STXBP5: variants seen among roughly 807,000 people sequenced by gnomAD.
STXBP5 encodes the protein syntaxin binding protein 5.
Under a neutral mutation model 152.4 loss-of-function variants are expected in STXBP5, and 50 were observed. The observed-to-expected ratio is 0.33, with a 90% CI of 0.26 to 0.42. The LOEUF (loss-of-function observed/expected upper bound fraction) is 0.42, where lower values mean the gene tolerates loss of function less well. Ranked by LOEUF, STXBP5 falls within the 10% of genes least tolerant of loss-of-function variation. The pLI is 1.00. For missense variants in STXBP5, 1,167 were observed against 1,388.6 expected (o/e 0.84, Z 2.54); for synonymous variants, 492 against 494.7 (o/e 0.99, Z 0.07).
At chr6:147,227,243 A>G (rs1456773710) in intron 2 of STXBP5, among the ~76,000 whole-genome samples, 1 of 152,114 alleles carries the variant, frequency 6.6e-6, no homozygotes, top group African/African-American at 2.4e-5. Flanking sequence ...CTGTACTGCT[A>G]CTTTTCTCCA....
rs182285909 is a variant in STXBP5, at chr6:147,313,461, T to A, written c.1146-423T>A. Among the ~76,000 whole-genome samples the A allele has an allele frequency of 2.5e-3, 377 of 152,284 alleles. 4 individuals are homozygous for A. Among genetic ancestry groups the A allele is most frequent in the Non-Finnish European group, 2.3e-3 (156 of 68,000 alleles). ...GAATTAAATATTGGACTAGGTATCATGTTTATGGAGAGAAAAAGAATGGAA... is the reference window on the plus strand; with the variant it reads ...GAATTAAATATTGGACTAGGTATCAAGTTTATGGAGAGAAAAAGAATGGAA... On this transcript the variant is annotated intron_variant, in intron 11 of 27. Coordinates refer to ENST00000321680, the MANE Select transcript of STXBP5 (RefSeq NM_001127715.4).
At chr6:147,298,883 AT>A (rs1423833082) in intron 9 of STXBP5, among the ~76,000 whole-genome samples, 1 of 152,028 alleles carries the variant, frequency 6.6e-6, no homozygotes, top group African/African-American at 2.4e-5. Context: ...AAGCACAATA[AT>A]CTCAAATAGA....
chr6:147,308,711 G>T (rs1164175793), intron 9 of STXBP5, among the ~76,000 whole-genome samples: 2 of 152,128 alleles, frequency 1.3e-5, no homozygotes, highest in East Asian at 3.8e-4. Flanking sequence ...TACATCTATT[G>T]CATTGATATT....
At chr6:147,380,084 C>G (rs759954201) in intron 26 of STXBP5, among the ~76,000 whole-genome samples, 1 of 151,204 alleles carries the variant, frequency 6.6e-6, no homozygotes, top group Non-Finnish European at 1.5e-5. Context: ...TAACACAATT[C>G]ATATCAAAAT....
Position 147,326,327 on chromosome 6 carries a change from T to C in STXBP5, c.1929-798T>C, listed in dbSNP as rs189162678. 7.2e-5 allele frequency among the ~76,000 whole-genome samples: 11 copies of C among 152,346 alleles called. No homozygotes were observed. The East Asian group carries it at 2.1e-3, about 29-fold the overall frequency. On this transcript the variant is annotated intron_variant, in intron 17 of 27. Transcript: ENST00000321680. ...ACCTCACTAGGCTTACAGTTGTATT[T>C]TGTTTGGCCCTTTCTGTGTATTTTT...
chr6:147,377,732 C>T (rs1785878859), intron 26 of STXBP5, among the ~76,000 whole-genome samples: 2 of 152,028 alleles, frequency 1.3e-5, no homozygotes. Context: ...TCCCAAAGGC[C>T]CCCACTTCTG....
chr6:147,383,118 A>G, intron 27 of STXBP5, 120 bp downstream of exon 27: 2 of 1,208,120 alleles, frequency 1.7e-6, no homozygotes, highest in South Asian at 3.1e-5. Context: ...TCATTGTACA[A>G]TTGCAAGTTC....
intron 21 of STXBP5, among the ~76,000 whole-genome samples, chr6:147,345,699 TTC>T (rs1285025666): frequency 2.0e-5 from 3 of 152,194 alleles, no homozygotes; most frequent in African/African-American, 7.2e-5. Flanking sequence ...GAAGTTATAG[TTC>T]TGTTTTTCTT....
chr6:147,307,882 G>A (rs1782172947), intron 9 of STXBP5, among the ~76,000 whole-genome samples: 1 of 152,148 alleles, frequency 6.6e-6, no homozygotes, highest in Non-Finnish European at 1.5e-5. Context: ...AACCTACCTA[G>A]CTACCATGGT....
At chr6:147,255,055 G>A (rs756507554) in intron 4 of STXBP5, among the ~76,000 whole-genome samples, 12 of 152,284 alleles carry the variant, frequency 7.9e-5, no homozygotes, top group Middle Eastern at 3.4e-3. Context: ...TAGTAAAGAC[G>A]TGGAACCAAC....
At chr6:147,336,949 T>G (rs1025789709) in intron 19 of STXBP5, among the ~76,000 whole-genome samples, 16 of 152,110 alleles carry the variant, frequency 1.1e-4, no homozygotes, top group Non-Finnish European at 2.2e-4. Flanking sequence ...TCAGAAATCA[T>G]CATGAGAAAA....
intron 8 of STXBP5, among the ~76,000 whole-genome samples, chr6:147,287,271 C>T (rs369725082): frequency 0.024 from 2,964 of 125,276 alleles, 99 homozygotes; most frequent in African/African-American, 0.086. Context: ...GGCGGGATCT[C>T]GGCTCACTGC....
In STXBP5 at chr6:147,254,903, G is replaced by T. The variant is rs922012961; in HGVS notation, c.432-5712G>T. On this transcript the variant is annotated intron_variant, in intron 4 of 27. Coordinates refer to ENST00000321680, the MANE Select transcript of STXBP5 (RefSeq NM_001127715.4). ...ATTAGTTCAACCATTGTGGAAGACAGTGTGGTGATTCCTCAAGGATCTACA... is the reference window on the plus strand; with the variant it reads ...ATTAGTTCAACCATTGTGGAAGACATTGTGGTGATTCCTCAAGGATCTACA... Among the ~76,000 whole-genome samples the T allele has an allele frequency of 3.9e-5, 6 of 152,234 alleles. 1 individual carries two copies. The highest frequency in any genetic ancestry group is 8.8e-5 in the Non-Finnish European group (6 of 68,042).
chr6:147,305,662 T>C (rs182685168), intron 9 of STXBP5, among the ~76,000 whole-genome samples: 2 of 152,310 alleles, frequency 1.3e-5, no homozygotes, highest in Admixed American at 6.5e-5. Flanking sequence ...TAATAGTTTA[T>C]GTTTGAAATT....
intron 4 of STXBP5, among the ~76,000 whole-genome samples, chr6:147,256,183 CTG>C (rs1156870495): frequency 3.3e-5 from 5 of 152,214 alleles, no homozygotes; most frequent in African/African-American, 7.2e-5. Flanking sequence ...ACTTGGAACA[CTG>C]TGTTTGGTCC....
At chr6:147,249,415 C>T (rs1778977091) in intron 4 of STXBP5, among the ~76,000 whole-genome samples, 1 of 152,106 alleles carries the variant, frequency 6.6e-6, no homozygotes, top group East Asian at 1.9e-4. Flanking sequence ...CCAAAACAAG[C>T]TGTTTGTAGG....
chr6:147,221,939 G>T (rs1020686884), intron 2 of STXBP5, among the ~76,000 whole-genome samples: 2 of 151,518 alleles, frequency 1.3e-5, no homozygotes, highest in African/African-American at 4.8e-5. Flanking sequence ...ACTCTGTTCT[G>T]TTTTTTTCCA....
chr6:147,241,484 T>C (rs1349421591), intron 4 of STXBP5, among the ~76,000 whole-genome samples: 1 of 152,192 alleles, frequency 6.6e-6, no homozygotes, highest in African/African-American at 2.4e-5. Context: ...CCTGTCTCTG[T>C]AGTTTTTGCT....
At chr6:147,240,862 T>C (rs936737943) in intron 4 of STXBP5, among the ~76,000 whole-genome samples, 3 of 151,874 alleles carry the variant, frequency 2.0e-5, no homozygotes, top group African/African-American at 7.3e-5. Context: ...GACTAGAGAG[T>C]TGGGAGATGT....
Sources: gnomAD v4.1 joint callset for allele counts (sites outside exome capture counted in the v4.1 genomes callset) on GRCh38, gnomAD v4.1.1 for gene constraint, MANE v1.5 for transcripts, NCBI Gene and HGNC (gene_info 2026-07-23, HGNC 2026-07-21) for gene names.